The following CCDC88C variants were observed in gnomAD, a reference collection of about 807,000 sequenced individuals.
CCDC88C encodes coiled-coil and HOOK domain protein 88C.
CCDC88C carries 131 observed loss-of-function variants against 198.8 expected under a neutral mutation model. That is an observed-to-expected ratio of 0.66 (90% CI 0.57 to 0.76). The LOEUF (loss-of-function observed/expected upper bound fraction) is 0.76. Among genes scored for constraint, CCDC88C ranks in the 30% least tolerant of loss-of-function variants. The pLI is 0.00. For synonymous variants in CCDC88C, 1,166 were observed against 1,114.7 expected (o/e 1.05, Z -0.92); for missense variants, 2,553 against 2,631.6 (o/e 0.97, Z 0.65).
chr14:91,376,861 T>A (rs1339570002), intron 3 of CCDC88C, among the ~76,000 whole-genome samples: 4 of 152,246 alleles, frequency 2.6e-5, no homozygotes, highest in Admixed American at 6.5e-5. Context: ...GAGGTTAATA[T>A]CCCAAAGTGA....
At chr14:91,327,762 CTT>C (rs1473990906) in intron 10 of CCDC88C, among the ~76,000 whole-genome samples, 1 of 152,356 alleles carries the variant, frequency 6.6e-6, no homozygotes, top group Middle Eastern at 3.4e-3. Context: ...TGCCCCCACT[CTT>C]TTGACCAGCG....
intron 3 of CCDC88C, among the ~76,000 whole-genome samples, chr14:91,372,982 C>T (rs1894893018): frequency 6.6e-6 from 1 of 152,162 alleles, no homozygotes; most frequent in Admixed American, 6.5e-5. Flanking sequence ...GACACACCAT[C>T]CTCCCTCCTG....
intron 29 of CCDC88C, among the ~76,000 whole-genome samples, chr14:91,277,379 T>C (rs1890009815): frequency 6.6e-6 from 1 of 152,148 alleles, no homozygotes; most frequent in Non-Finnish European, 1.5e-5. Flanking sequence ...CATGCGAAAA[T>C]CATATGAAAT....
chr14:91,332,463 ATT>A (rs1356005143), intron 10 of CCDC88C, among the ~76,000 whole-genome samples: 1 of 152,214 alleles, frequency 6.6e-6, no homozygotes, highest in Non-Finnish European at 1.5e-5. Flanking sequence ...AACCATGTAC[ATT>A]TGTGTTCCAT....
At chr14:91,368,756 T>C (rs539691519) in intron 3 of CCDC88C, among the ~76,000 whole-genome samples, 6 of 151,802 alleles carry the variant, frequency 4.0e-5, no homozygotes, top group African/African-American at 1.5e-4. Flanking sequence ...TTTGCAGGTG[T>C]TGGAACGTCT....
intron 2 of CCDC88C, among the ~76,000 whole-genome samples, chr14:91,414,714 A>C (rs566362451): frequency 6.6e-6 from 1 of 152,242 alleles, no homozygotes; most frequent in East Asian, 1.9e-4. Flanking sequence ...CCCACGCTCC[A>C]TTCCTCTGTG....
chr14:91,290,897 T>C (rs2139746045), intron 24 of CCDC88C, 98 bp downstream of exon 24: 3 of 709,262 alleles, frequency 4.2e-6, no homozygotes, highest in Non-Finnish European at 7.6e-6. Context: ...CACAGGTGGA[T>C]GGTGCGGGGC....
rs1216561678 is a variant in CCDC88C at position 91,352,412 on chromosome 14, C to T, written c.340+7230G>A. Among the ~76,000 whole-genome samples the T allele has an allele frequency of 3.3e-5, 5 of 152,168 alleles. No individual in the cohort carries two copies. Among genetic ancestry groups the T allele is most frequent in the African/African-American group, 4.8e-5 (2 of 41,434 alleles). On this transcript the variant is annotated intron_variant, in intron 4 of 29. Transcript: ENST00000389857. This position sits in a 1 kb window ranked among gnomAD's most constrained non-coding sequence, Gnocchi z 4.2. ...CTGGCTTAAGTGCCCCAGCACCGCA[C>T]GTGGACTGGAGCCCTCATTTCCGGA...
intron 23 of CCDC88C, among the ~76,000 whole-genome samples, chr14:91,293,758 G>A (rs12891279): frequency 0.21 from 31,697 of 151,970 alleles, 4,823 homozygotes; most frequent in African/African-American, 0.43. Context: ...GGCTACCAGG[G>A]AACTGGTTCT....
chr14:91,410,301 G>A (rs1886728081), intron 2 of CCDC88C, among the ~76,000 whole-genome samples: 1 of 152,206 alleles, frequency 6.6e-6, no homozygotes, highest in African/African-American at 2.4e-5. Context: ...TCAAAGGAGA[G>A]CCTGTCTTCA....
At position 91,273,164 on chromosome 14, in the gene CCDC88C, G is replaced by T; in HGVS notation, c.5548C>A (p.Pro1850Thr). ...TGSHTLQSPA[P>T]PSSHSLARER... ...CGGGCCAGGCTATGGGAGCTGGGGG[G>T]TGCGGGGCTTTGCAGGGTGTGGCTG... The change falls in exon 30 of 30, where the codon CCC becomes ACC. Residue 1850 changes from proline to threonine, a missense_variant. Physicochemically the swap from Pro to Thr is conservative, Grantham distance 38. Around this residue, in one of 2 missense-constraint regions of CCDC88C, gnomAD observed 1,293 missense variants for 1,219.6 expected, o/e 1.06. Transcript: ENST00000389857. The surrounding 1 kb of genome is among the most constrained non-coding windows in gnomAD (Gnocchi z 5.6). 3.2e-6 allele frequency: 5 copies of T among 1,580,928 alleles called. No individual in the cohort carries two copies. The highest frequency in any genetic ancestry group is 1.3e-5 in the African/African-American group (1 of 74,460).
chr14:91,380,650 C>T (rs898435096), intron 3 of CCDC88C, among the ~76,000 whole-genome samples: 13 of 152,058 alleles, frequency 8.5e-5, no homozygotes, highest in African/African-American at 2.9e-4. Context: ...AGAATATTGG[C>T]GTTTTCTTAC....
chr14:91,336,522 C>T (rs1158369041), intron 10 of CCDC88C, among the ~76,000 whole-genome samples: 1 of 152,176 alleles, frequency 6.6e-6, no homozygotes, highest in African/African-American at 2.4e-5. Context: ...GGGGCATTTC[C>T]AGTAAGCAAT....
intron 3 of CCDC88C, among the ~76,000 whole-genome samples, chr14:91,394,820 C>T (rs894281076): frequency 2.6e-5 from 4 of 152,186 alleles, no homozygotes; most frequent in African/African-American, 4.8e-5. Flanking sequence ...CGTGCACACT[C>T]GCAAGATTAA....
chr14:91,277,127 G>T (rs934617233), intron 29 of CCDC88C, among the ~76,000 whole-genome samples: 2 of 152,200 alleles, frequency 1.3e-5, no homozygotes, highest in African/African-American at 4.8e-5. Context: ...CTGCCACAAG[G>T]CCCGGCTAAT....
At chr14:91,331,704 G>A (rs1167315657) in intron 10 of CCDC88C, among the ~76,000 whole-genome samples, 2 of 152,188 alleles carry the variant, frequency 1.3e-5, no homozygotes, top group African/African-American at 2.4e-5. Flanking sequence ...GCTCCCTGTT[G>A]GGGAGGCTCC....
chr14:91,408,841 A>G, intron 2 of CCDC88C, 74 bp from the exon 3 acceptor site: 2 of 966,144 alleles, frequency 2.1e-6, no homozygotes, highest in Non-Finnish European at 3.3e-6. Context: ...GCCACGACCC[A>G]GCATCTTGTC....
At chr14:91,337,898 C>T in intron 10 of CCDC88C, 107 bp downstream of exon 10, 3 of 1,386,672 alleles carry the variant, frequency 2.2e-6, no homozygotes. Context: ...TCTGCTGAAA[C>T]AGCTGTGGCT....
intron 23 of CCDC88C, among the ~76,000 whole-genome samples, chr14:91,291,976 C>A (rs903114107): frequency 1.3e-5 from 2 of 152,206 alleles, no homozygotes; most frequent in Admixed American, 6.5e-5. Flanking sequence ...GTACTGAGGA[C>A]TGCTGCCCAC....
Sources: allele counts gnomAD v4.1 joint callset (sites outside exome capture counted in the v4.1 genomes callset), GRCh38; gene constraint gnomAD v4.1.1; regional missense constraint gnomAD v4.1.1; non-coding constraint Gnocchi (gnomAD v3.1); transcripts MANE v1.5; gene names NCBI Gene and HGNC (gene_info 2026-07-23, HGNC 2026-07-21).